Variants in ASRGL1 observed in about 807,000 individuals in gnomAD.
ASRGL1 encodes the protein asparaginase and isoaspartyl peptidase 1.
In ASRGL1, 16 loss-of-function variants were observed where a neutral mutation model predicts 22.4. The ratio of observed to expected loss-of-function variants is 0.71; its 90% confidence interval spans 0.48 to 1.08. The LOEUF (loss-of-function observed/expected upper bound fraction) is 1.08, where lower values mean the gene tolerates loss of function less well. Ranked by LOEUF, ASRGL1 falls within the 50% of genes least tolerant of loss-of-function variation. The pLI is 0.00. For missense variants in ASRGL1, 412 were observed against 410.1 expected, an observed-to-expected ratio of 1.00 and a Z score of -0.04; for synonymous variants, 165 against 159.3, an observed-to-expected ratio of 1.04 and a Z score of -0.27.
chr11:62,351,904 G>A (rs1271116916), intron 2 of ASRGL1, among the ~76,000 whole-genome samples: 1 of 152,106 alleles, frequency 6.6e-6, no homozygotes, highest in East Asian at 1.9e-4. Flanking sequence ...AAACTCATGG[G>A]CTCAAGCACT....
the ASRGL1 span, among the ~76,000 whole-genome samples, chr11:62,400,498 C>T: frequency 9.9e-5 from 15 of 152,186 alleles, no homozygotes; most frequent in Admixed American, 5.9e-4. Context: ...ATTTTGGACA[C>T]ATGGACCAGC....
intron 2 of ASRGL1, among the ~76,000 whole-genome samples, chr11:62,345,813 ACT>A (rs1340106233): frequency 6.6e-6 from 1 of 152,062 alleles, no homozygotes; most frequent in African/African-American, 2.4e-5. Context: ...TTCCACAGAG[ACT>A]CTCGCAGGCA....
intron 4 of ASRGL1, among the ~76,000 whole-genome samples, chr11:62,357,916 G>A (rs1451589456): frequency 1.3e-5 from 2 of 152,132 alleles, no homozygotes; most frequent in Non-Finnish European, 2.9e-5. Flanking sequence ...GGTATACCTT[G>A]TATCACCTAG....
chr11:62,362,616 T>C lies in ASRGL1; in HGVS notation c.491+5472T>C, dbSNP rs183044694. Among the ~76,000 whole-genome samples the C allele has an allele frequency of 1.1e-3, 64 of 58,436 alleles. 5 individuals carry two copies. The highest frequency in any genetic ancestry group is 3.7e-3 in the African/African-American group (58 of 15,870). 38.3% of individuals were successfully genotyped at this position (58,436 alleles called of 152,430 possible). A position where few individuals can be genotyped will look rare whatever the true frequency, so the allele number is the denominator to read the frequency against. ...AATATATATTATATAAAATATATAT[T>C]ATATATTATATAAAATATATATAAT... is the stretch of plus-strand genomic sequence containing the variant. On this transcript the variant is annotated intron_variant, in intron 4 of 6. Coordinates refer to ENST00000415229, the MANE Select transcript of ASRGL1 (RefSeq NM_001083926.2).
At chr11:62,355,622 C>CTT (rs56828559) in intron 2 of ASRGL1, among the ~76,000 whole-genome samples, 1,784 of 131,926 alleles carry the variant, frequency 0.014, 50 homozygotes, top group African/African-American at 0.043. Flanking sequence ...TTTCTAAATT[C>CTT]TTTTTTTTTT....
At chr11:62,362,708 AAT>A (rs1233498970) in intron 4 of ASRGL1, among the ~76,000 whole-genome samples, 3 of 71,706 alleles carry the variant, frequency 4.2e-5, no homozygotes, top group Middle Eastern at 5.9e-3. Context: ...TATTATATAA[AAT>A]ATATTATATG....
rs766321690 is a variant in ASRGL1 at position 62,338,008 on chromosome 11, G to A, written c.31G>A (p.Gly11Arg). The A allele has an allele frequency of 1.9e-5, 31 of 1,605,170 alleles. No individual in the cohort carries two copies. In the South Asian group the frequency reaches 3.1e-4, roughly 16 times the overall value. Residue 11 changes from glycine (G) to arginine (R), a missense_variant, in exon 2 of 7, where the codon GGA becomes AGA. Coordinates refer to ENST00000415229, the MANE Select transcript of ASRGL1 (RefSeq NM_001083926.2). MNPIVVVHGG[G>R]AGPISKDRKE... ...TCCCATCGTAGTGGTCCACGGCGGC[G>A]GAGCCGGTCCCATCTCCAAGGATCG...
intron 4 of ASRGL1, among the ~76,000 whole-genome samples, chr11:62,367,961 T>C (rs559260962): frequency 2.6e-4 from 40 of 152,218 alleles, no homozygotes; most frequent in African/African-American, 9.2e-4. Flanking sequence ...CAAATAAAAA[T>C]AAATTTAAAA....
At chr11:62,358,950 C>T (rs760526751) in intron 4 of ASRGL1, among the ~76,000 whole-genome samples, 1 of 152,138 alleles carries the variant, frequency 6.6e-6, no homozygotes, top group Non-Finnish European at 1.5e-5. Flanking sequence ...AGTATTATTT[C>T]CCTGTAGTGC....
At chr11:62,383,935 A>G (rs1033303515) in intron 4 of ASRGL1, among the ~76,000 whole-genome samples, 1 of 143,216 alleles carries the variant, frequency 7.0e-6, no homozygotes, top group Non-Finnish European at 1.5e-5. Context: ...AAAAATCAGT[A>G]CTCCCTGGAA....
Position 62,389,171 on chromosome 11 carries a change from A to G in ASRGL1, c.530A>G (p.Lys177Arg), listed in dbSNP as rs775093253. The G allele has an allele frequency of 6.2e-7, 1 of 1,614,026 alleles. No individual in the cohort carries two copies. Among genetic ancestry groups the G allele is most frequent in the Non-Finnish European group, 8.5e-7 (1 of 1,179,990 alleles). Residue 177 changes from lysine to arginine, a missense_variant, in exon 5 of 7, where the codon AAA (lysine) becomes AGA (arginine). Coordinates refer to ENST00000415229, the MANE Select transcript of ASRGL1 (RefSeq NM_001083926.2). ...GTVGAVALDC[K>R]GNVAYATSTG... The stretch of plus-strand genomic sequence containing the variant: ...GTGGGTGCTGTTGCCTTGGACTGCA[A>G]AGGGAATGTAGCCTACGCAACCTCC...
intron 1 of ASRGL1, 100 bp from the exon 2 acceptor site, chr11:62,337,790 G>T: frequency 1.9e-6 from 1 of 535,554 alleles, no homozygotes; most frequent in Non-Finnish European, 3.1e-6. Flanking sequence ...AGGGCGCCGG[G>T]CCCCTGGGCT....
At chr11:62,359,657 C>T (rs1946386448) in intron 4 of ASRGL1, among the ~76,000 whole-genome samples, 1 of 152,116 alleles carries the variant, frequency 6.6e-6, no homozygotes, top group Non-Finnish European at 1.5e-5. Context: ...GGAGCTGCAG[C>T]TTCTGTAAGT....
intron 4 of ASRGL1, among the ~76,000 whole-genome samples, chr11:62,384,369 G>T (rs1947152567): frequency 6.6e-6 from 1 of 152,222 alleles, no homozygotes; most frequent in Non-Finnish European, 1.5e-5. Flanking sequence ...GCTGGGTGTG[G>T]TGGTACACGC....
intron 2 of ASRGL1, among the ~76,000 whole-genome samples, chr11:62,352,266 G>GAT (rs1232948985): frequency 6.6e-6 from 1 of 152,170 alleles, no homozygotes; most frequent in Admixed American, 6.5e-5. Flanking sequence ...CACACAGGGA[G>GAT]ATAGTAACCA....
Position 62,372,382 on chromosome 11 carries a change from A to G in ASRGL1, c.491+15238A>G, listed in dbSNP as rs1430441275. ...ATGTACAACAGCCTGCCAATTACCAAAATGGCCTGTGAGGCTGCAAATCAG... is the reference window on the plus strand; with the variant it reads ...ATGTACAACAGCCTGCCAATTACCAGAATGGCCTGTGAGGCTGCAAATCAG... On this transcript the variant is annotated intron_variant, in intron 4 of 6. Transcript: ENST00000415229. 9.0e-6 allele frequency: 14 copies of G among 1,563,882 alleles called. No homozygotes were observed. In the African/African-American group the frequency reaches 1.8e-4, roughly 20 times the overall value.
chr11:62,388,496 C>A (rs527761056), intron 4 of ASRGL1, among the ~76,000 whole-genome samples: 1 of 152,042 alleles, frequency 6.6e-6, no homozygotes, highest in South Asian at 2.1e-4. Context: ...ATGATGAAAC[C>A]CTGTCTCTAC....
chr11:62,373,155 T>C (rs1946820434), intron 4 of ASRGL1: 1 of 1,328,430 alleles, frequency 7.5e-7, no homozygotes, highest in East Asian at 2.3e-5. Flanking sequence ...ACTGCCAGAA[T>C]ACAGCCCCCA....
At chr11:62,343,918 C>CTGTTTTTT (rs1945940085) in intron 2 of ASRGL1, among the ~76,000 whole-genome samples, 1 of 100,648 alleles carries the variant, frequency 9.9e-6, no homozygotes, top group Non-Finnish European at 1.9e-5. Flanking sequence ...TCATGCATTT[C>CTGTTTTTT]TTTTTTTTTT....
Sources: allele counts gnomAD v4.1 joint callset (sites outside exome capture counted in the v4.1 genomes callset), GRCh38; gene constraint gnomAD v4.1.1; transcripts MANE v1.5; gene names NCBI Gene and HGNC (gene_info 2026-07-23, HGNC 2026-07-21).